PACRGL: variants seen among roughly 807,000 people sequenced by gnomAD.
PACRGL encodes the protein PACRG-like protein.
In PACRGL, 38 loss-of-function variants were observed where a neutral mutation model predicts 34.5. The ratio of observed to expected loss-of-function variants is 1.10; its 90% CI spans 0.85 to 1.44. The LOEUF (loss-of-function observed/expected upper bound fraction) is 1.44, where lower values mean the gene tolerates loss of function less well. Ranked by LOEUF, PACRGL falls within the 40% of genes most tolerant of loss-of-function variation. PACRGL has a pLI of 0.00. For missense variants in PACRGL, 305 were observed against 281.4 expected, an observed-to-expected ratio of 1.08 and a Z score of -0.60; for synonymous variants, 128 against 100.1, an observed-to-expected ratio of 1.28 and a Z score of -1.66.
At chr4:20,724,310 A>G (rs1744739117) in intron 7 of PACRGL, among the ~76,000 whole-genome samples, 1 of 151,992 alleles carries the variant, frequency 6.6e-6, no homozygotes, top group Non-Finnish European at 1.5e-5. Context: ...CTGCATGTAA[A>G]CCTCTGTGCT....
intron 7 of PACRGL, among the ~76,000 whole-genome samples, chr4:20,714,385 T>C (rs1182875455): frequency 6.6e-6 from 1 of 152,214 alleles, no homozygotes; most frequent in Non-Finnish European, 1.5e-5. Flanking sequence ...TTTGAGCCTA[T>C]GTGTGTCTCT....
chr4:20,704,592 T>G (rs1733703416), intron 2 of PACRGL, 59 bp downstream of exon 2: 1 of 1,613,006 alleles, frequency 6.2e-7, no homozygotes, highest in African/African-American at 1.3e-5. Context: ...CTTTCTGTGC[T>G]ACAGATGGAT....
chr4:20,701,946 G>T, intron 1 of PACRGL: 3 of 455,106 alleles, frequency 6.6e-6, no homozygotes, highest in South Asian at 4.7e-5. Flanking sequence ...TCTAATACAG[G>T]ATTTTGAAAG....
At chr4:20,704,245 A>C (rs1019938463) in intron 1 of PACRGL, among the ~76,000 whole-genome samples, 1 of 152,200 alleles carries the variant, frequency 6.6e-6, no homozygotes, top group African/African-American at 2.4e-5. Flanking sequence ...TGACTTTTGT[A>C]CATCATTTCT....
At chr4:20,719,063 G>C (rs564789250) in intron 7 of PACRGL, 9 of 152,290 alleles carry the variant, frequency 5.9e-5, no homozygotes, top group South Asian at 2.1e-4. Context: ...TCTTGGGAGG[G>C]TGTATGTGTC....
At chr4:20,719,401 G>C (rs1451419924) in intron 7 of PACRGL, among the ~76,000 whole-genome samples, 5 of 152,038 alleles carry the variant, frequency 3.3e-5, no homozygotes, top group African/African-American at 1.2e-4. Flanking sequence ...TGCTTCTCTA[G>C]TTCTTTTAAT....
intron 7 of PACRGL, among the ~76,000 whole-genome samples, chr4:20,722,252 T>G (rs1743662779): frequency 6.6e-6 from 1 of 152,224 alleles, no homozygotes; most frequent in African/African-American, 2.4e-5. Flanking sequence ...GAAAGGGAAT[T>G]CCCTGATCCC....
the PACRGL span, among the ~76,000 whole-genome samples, chr4:20,762,473 A>AT: frequency 6.6e-6 from 1 of 152,158 alleles, no homozygotes; most frequent in Non-Finnish European, 1.5e-5. Context: ...AAACTAGTGC[A>AT]TTTTTTTAAA....
chr4:20,716,019 G>C, intron 7 of PACRGL: 1 of 1,288,774 alleles, frequency 7.8e-7, no homozygotes, highest in Non-Finnish European at 1.0e-6. Context: ...TTTTCATTGC[G>C]ATGTTTTAGT....
chr4:20,746,535 C>G (rs919178409), intron 8 of PACRGL, among the ~76,000 whole-genome samples: 1 of 151,920 alleles, frequency 6.6e-6, no homozygotes, highest in Admixed American at 6.6e-5. Context: ...AAAAAAAATC[C>G]CCCAACTGAT....
the PACRGL span, among the ~76,000 whole-genome samples, chr4:20,759,422 T>G: frequency 6.6e-6 from 1 of 152,166 alleles, no homozygotes; most frequent in Non-Finnish European, 1.5e-5. Flanking sequence ...ACAAGTGACC[T>G]TGGGTGAGAT....
At chr4:20,742,475 T>C (rs1260548031) in intron 8 of PACRGL, among the ~76,000 whole-genome samples, 2 of 152,140 alleles carry the variant, frequency 1.3e-5, no homozygotes, top group African/African-American at 4.8e-5. Context: ...ACCACATGAT[T>C]ATCTCAACAG....
intron 7 of PACRGL, among the ~76,000 whole-genome samples, chr4:20,719,554 A>T (rs1051086926): frequency 8.5e-5 from 13 of 152,228 alleles, no homozygotes; most frequent in South Asian, 2.1e-4. Flanking sequence ...GGTTTCAAAG[A>T]ACATCTTTAT....
chr4:20,717,758 C>T (rs1740850679), intron 7 of PACRGL, among the ~76,000 whole-genome samples: 1 of 152,238 alleles, frequency 6.6e-6, no homozygotes, highest in African/African-American at 2.4e-5. Context: ...AGTTTGAAGT[C>T]AGGTAGTGTG....
At chr4:20,710,231 T>G (rs1234698337) in intron 5 of PACRGL, among the ~76,000 whole-genome samples, 1 of 152,190 alleles carries the variant, frequency 6.6e-6, no homozygotes, top group Non-Finnish European at 1.5e-5. Flanking sequence ...TCCAGCTCTT[T>G]GCTTGTACAT....
In PACRGL at chr4:20,732,098, T is replaced by C; in HGVS notation, c.*4757T>C. The C allele has an allele frequency of 1.3e-6, 2 of 1,497,564 alleles. No homozygotes were observed. Among genetic ancestry groups the C allele is most frequent in the Non-Finnish European group, 1.9e-6 (2 of 1,074,868 alleles). 92.8% of individuals were successfully genotyped at this position (1,497,564 alleles called of 1,614,324 possible). A position where few individuals can be genotyped will look rare whatever the true frequency, so the allele number is the denominator to read the frequency against. On this transcript the variant is annotated 3_prime_UTR_variant, in exon 9 of 9. Coordinates refer to ENST00000503585, the MANE Select transcript of PACRGL (RefSeq NM_001258345.3). ...TCAGGAAGAAAACAAAAATTGTATT[T>C]AGACTTATCCCTTAATACCCTCACA...
chr4:20,748,783 G>A, intron 8 of PACRGL, among the ~76,000 whole-genome samples: 1 of 149,734 alleles, frequency 6.7e-6, no homozygotes. Flanking sequence ...GCTGATCAGA[G>A]TTCATGTTGG....
intron 7 of PACRGL, among the ~76,000 whole-genome samples, chr4:20,716,522 C>G (rs1740107338): frequency 6.6e-6 from 1 of 152,030 alleles, no homozygotes; most frequent in South Asian, 2.1e-4. Context: ...TGTGATGTTC[C>G]CCTTCCTGTG....
intron 7 of PACRGL, among the ~76,000 whole-genome samples, chr4:20,721,821 G>T (rs536580026): frequency 6.6e-6 from 1 of 152,172 alleles, no homozygotes; most frequent in South Asian, 2.1e-4. Context: ...CTCAAACTCC[G>T]TGCTGGGAGA....
Sources: gnomAD v4.1 joint callset for allele counts (sites outside exome capture counted in the v4.1 genomes callset) on GRCh38, gnomAD v4.1.1 for gene constraint, MANE v1.5 for transcripts, NCBI Gene and HGNC (gene_info 2026-07-23, HGNC 2026-07-21) for gene names.